Variants in ARHGAP15 observed in about 807,000 individuals in gnomAD.
ARHGAP15 encodes rho GTPase-activating protein 15.
A neutral mutation model predicts 63.7 loss-of-function variants in ARHGAP15; 51 were observed. The ratio of observed to expected loss-of-function variants is 0.80; its 90% CI spans 0.64 to 1.01. The LOEUF is 1.01. ARHGAP15 is among the 50% of genes least tolerant of loss of function. ARHGAP15 has a pLI of 0.00. For missense variants in ARHGAP15, 560 were observed against 564.6 expected, an observed-to-expected ratio of 0.99 and a Z score of 0.08; for synonymous variants, 191 against 193.8, an observed-to-expected ratio of 0.99 and a Z score of 0.12.
At chr2:143,261,402 C>T (rs1055132256) in intron 6 of ARHGAP15, among the ~76,000 whole-genome samples, 1 of 143,394 alleles carries the variant, frequency 7.0e-6, no homozygotes, top group East Asian at 2.1e-4. Flanking sequence ...ACAGTGGCAC[C>T]GTGTTGGTTC....
At chr2:143,533,029 CT>C (rs1694587133) in intron 10 of ARHGAP15, among the ~76,000 whole-genome samples, 1 of 152,186 alleles carries the variant, frequency 6.6e-6, no homozygotes, top group African/African-American at 2.4e-5. Context: ...TCACTTTTAA[CT>C]TTTTCACTTT....
At chr2:143,154,206 A>C (rs1430527504) in intron 1 of ARHGAP15, among the ~76,000 whole-genome samples, 2 of 151,824 alleles carry the variant, frequency 1.3e-5, no homozygotes, top group Non-Finnish European at 2.9e-5. Context: ...TTTTTTGAGA[A>C]TCAACCATTG....
At chr2:143,504,386 C>T (rs186104691) in intron 9 of ARHGAP15, among the ~76,000 whole-genome samples, 149 of 152,304 alleles carry the variant, frequency 9.8e-4, no homozygotes, top group African/African-American at 3.4e-3. Context: ...TTCCAGCCTG[C>T]TTGGAAGGAA....
chr2:143,187,873 CT>C (rs2105083271), intron 2 of ARHGAP15, among the ~76,000 whole-genome samples: 1 of 152,126 alleles, frequency 6.6e-6, no homozygotes, highest in East Asian at 1.9e-4. Context: ...GAAAAAGTTT[CT>C]TTTTAAAATG....
intron 12 of ARHGAP15, among the ~76,000 whole-genome samples, chr2:143,660,601 C>T (rs868172935): frequency 2.6e-5 from 4 of 152,252 alleles, no homozygotes; most frequent in Middle Eastern, 3.4e-3. Flanking sequence ...AGCGACAGAC[C>T]TGTGTAAAAC....
chr2:143,328,519 G>A (rs143845920), intron 6 of ARHGAP15, among the ~76,000 whole-genome samples: 1,942 of 152,120 alleles, frequency 0.013, 41 homozygotes, highest in African/African-American at 0.045. Flanking sequence ...GTTCTCATAA[G>A]TGGGACTTGA....
intron 6 of ARHGAP15, among the ~76,000 whole-genome samples, chr2:143,397,389 G>A (rs908736226): frequency 1.3e-5 from 2 of 151,196 alleles, no homozygotes; most frequent in Non-Finnish European, 2.9e-5. Flanking sequence ...ATAAATGTGT[G>A]ACTAGTACTT....
chr2:143,310,550 T>A (rs1683397253), intron 6 of ARHGAP15, among the ~76,000 whole-genome samples: 1 of 151,592 alleles, frequency 6.6e-6, no homozygotes, highest in South Asian at 2.1e-4. Context: ...TTTTATAAAA[T>A]AAATTGTTTT....
At chr2:143,722,451 G>A (rs1685102253) in intron 13 of ARHGAP15, among the ~76,000 whole-genome samples, 1 of 151,992 alleles carries the variant, frequency 6.6e-6, no homozygotes, top group Non-Finnish European at 1.5e-5. Flanking sequence ...ACATATACAA[G>A]CAGAAGCACA....
At chr2:143,546,659 G>T (rs552696656) in intron 10 of ARHGAP15, among the ~76,000 whole-genome samples, 3 of 151,960 alleles carry the variant, frequency 2.0e-5, no homozygotes, top group Admixed American at 2.0e-4. Context: ...TAGATTCATT[G>T]TTCTTGTTAC....
At chr2:143,405,242 CAAAT>C (rs200850305) in intron 6 of ARHGAP15, among the ~76,000 whole-genome samples, 1,760 of 149,880 alleles carry the variant, frequency 0.012, 40 homozygotes, top group African/African-American at 0.041. Context: ...TATAGCAAAA[CAAAT>C]AAATAAATGC....
chr2:143,557,035 T>C (rs938941585), intron 11 of ARHGAP15, among the ~76,000 whole-genome samples: 4 of 152,146 alleles, frequency 2.6e-5, no homozygotes, highest in Non-Finnish European at 5.9e-5. Context: ...GAACTCTCAT[T>C]CATTGCTGGC....
chr2:143,348,459 G>A (rs1342725434), intron 6 of ARHGAP15, among the ~76,000 whole-genome samples: 3 of 151,354 alleles, frequency 2.0e-5, no homozygotes, highest in Admixed American at 6.6e-5. Flanking sequence ...CCTATTTTCA[G>A]GATTAAAAAA....
chr2:143,448,560 G>A (rs1690252647), intron 8 of ARHGAP15, among the ~76,000 whole-genome samples: 1 of 152,194 alleles, frequency 6.6e-6, no homozygotes, highest in African/African-American at 2.4e-5. Context: ...AGATTCCAGA[G>A]ATATCTGACT....
At chr2:143,389,065 G>A (rs1017799973) in intron 6 of ARHGAP15, among the ~76,000 whole-genome samples, 4 of 148,784 alleles carry the variant, frequency 2.7e-5, no homozygotes, top group African/African-American at 9.9e-5. Context: ...GTTTTTAAAA[G>A]GAGTAGCTTA....
At position 143,226,060 on chromosome 2, in the gene ARHGAP15, A is replaced by G. The variant is rs143891517; in HGVS notation, c.297-2521A>G. ...AATTCAAAACAAAGTAGCACCGTACATAAGGCGTCAGAGCAAGTCATGTTG... is the reference window on the plus strand; with the variant it reads ...AATTCAAAACAAAGTAGCACCGTACGTAAGGCGTCAGAGCAAGTCATGTTG... On this transcript the variant is annotated intron_variant, in intron 4 of 13. Transcript: ENST00000295095. 1.4e-4 allele frequency among the ~76,000 whole-genome samples: 22 copies of G among 152,370 alleles called. No individual in the cohort carries two copies. In the East Asian group the frequency reaches 4.2e-3, roughly 29 times the overall value.
intron 6 of ARHGAP15, among the ~76,000 whole-genome samples, chr2:143,343,736 T>A (rs1376165796): frequency 1.3e-5 from 2 of 152,110 alleles, no homozygotes; most frequent in Non-Finnish European, 2.9e-5. Context: ...AAGACAAGAT[T>A]GCACCCAATT....
intron 12 of ARHGAP15, among the ~76,000 whole-genome samples, chr2:143,647,553 G>T (rs1331658107): frequency 6.6e-6 from 1 of 151,826 alleles, no homozygotes; most frequent in Non-Finnish European, 1.5e-5. Context: ...ATGTGGTACT[G>T]CAAGGCTGCC....
At position 143,606,054 on chromosome 2, in the gene ARHGAP15, AAAAAAAAAAAAAAAAAG is replaced by A. The variant is rs1331103054; in HGVS notation, c.1004-18078_1004-18062del. ...CTGTCTCAAAAAAAAAAAAAAAAAAAAAAAAAAAAAAAAAAAGCCATACATCTGTCTCTTTCGCTACC... is the reference window on the plus strand; with the variant it reads ...CTGTCTCAAAAAAAAAAAAAAAAAAACCATACATCTGTCTCTTTCGCTACC... On this transcript the variant is annotated intron_variant, in intron 11 of 13. Coordinates refer to ENST00000295095, the MANE Select transcript of ARHGAP15 (RefSeq NM_018460.4). Among the ~76,000 whole-genome samples, 141 of 135,074 alleles carry A rather than the reference AAAAAAAAAAAAAAAAAG, an allele frequency of 1.0e-3. 6 individuals carry two copies. Among genetic ancestry groups the A allele is most frequent in the African/African-American group, 3.0e-3 (110 of 36,336 alleles). 88.6% of individuals were successfully genotyped at this position (135,074 alleles called of 152,430 possible).
Sources: gnomAD v4.1 joint callset for allele counts (sites outside exome capture counted in the v4.1 genomes callset) on GRCh38, gnomAD v4.1.1 for gene constraint, MANE v1.5 for transcripts, NCBI Gene and HGNC (gene_info 2026-07-23, HGNC 2026-07-21) for gene names.